The following BACH1 variants were observed in gnomAD, a reference collection of about 807,000 sequenced individuals.
BACH1 encodes BTB domain and CNC homolog 1.
BACH1 carries 35 observed loss-of-function variants against 52.9 expected under a neutral mutation model. The observed-to-expected ratio is 0.66, with a 90% CI of 0.51 to 0.88. The LOEUF is 0.88. BACH1 is among the 40% of genes least tolerant of loss of function. The pLI is 0.00. For synonymous variants in BACH1, 321 were observed against 319.6 expected (o/e 1.00, Z -0.05); for missense variants, 808 against 872.6 (o/e 0.93, Z 0.93).
At chr21:29,355,820 G>A (rs940548004) in intron 2 of BACH1, among the ~76,000 whole-genome samples, 2 of 152,218 alleles carry the variant, frequency 1.3e-5, no homozygotes, top group Admixed American at 6.5e-5. Flanking sequence ...AACTCCAGAG[G>A]TTGGTATAAG....
rs2832284 is a variant in BACH1 at position 29,325,402 on chromosome 21, A to G, written c.235-657A>G. 5.2e-3 allele frequency among the ~76,000 whole-genome samples: 796 copies of G among 152,266 alleles called. 9 individuals carry two copies. The East Asian group carries it at 0.057, about 11-fold the overall frequency. ...GTTTAATGTAAATGTGCAAGTTTCT[A>G]CTTAAAAGTTTTGTTACTTCGAGTC... On this transcript the variant is annotated intron_variant, in intron 2 of 4. Transcript: ENST00000286800.
chr21:29,319,803 G>C (rs1222365320), intron 1 of BACH1, among the ~76,000 whole-genome samples: 1 of 150,888 alleles, frequency 6.6e-6, no homozygotes, highest in Non-Finnish European at 1.5e-5. Context: ...GCTCTGGGCA[G>C]GGTATAGTCT....
chr21:29,338,130 T>C (rs953224338), intron 4 of BACH1, among the ~76,000 whole-genome samples: 1 of 152,184 alleles, frequency 6.6e-6, no homozygotes, highest in African/African-American at 2.4e-5. Flanking sequence ...TGGTGTGCGT[T>C]GTTTCTCTTA....
At chr21:29,355,536 T>C (rs751458795) in intron 2 of BACH1, among the ~76,000 whole-genome samples, 4 of 152,190 alleles carry the variant, frequency 2.6e-5, no homozygotes, top group Non-Finnish European at 5.9e-5. Flanking sequence ...TACTTCCTGC[T>C]GGATAGAGGC....
chr21:29,315,685 G>T (rs953904566), intron 1 of BACH1, among the ~76,000 whole-genome samples: 1 of 152,146 alleles, frequency 6.6e-6, no homozygotes, highest in African/African-American at 2.4e-5. Flanking sequence ...CTCATTAATT[G>T]AATATTATGG....
chr21:29,359,674 A>G (rs1035755100), intron 2 of BACH1, among the ~76,000 whole-genome samples: 14 of 152,056 alleles, frequency 9.2e-5, no homozygotes, highest in African/African-American at 3.4e-4. Context: ...CCTGCCTCCC[A>G]TTTTATTCCT....
chr21:29,334,377 C>T (rs1267037248), intron 4 of BACH1, among the ~76,000 whole-genome samples: 2 of 152,186 alleles, frequency 1.3e-5, no homozygotes, highest in African/African-American at 4.8e-5. Flanking sequence ...GGATTATAGG[C>T]GTGAGCCACT....
At chr21:29,314,147 TA>T (rs1340960483) in intron 1 of BACH1, among the ~76,000 whole-genome samples, 2 of 152,178 alleles carry the variant, frequency 1.3e-5, no homozygotes, top group Admixed American at 1.3e-4. Flanking sequence ...GTTAAGCAAA[TA>T]AAAGACTTCA....
chr21:29,361,042 C>T (rs1459306054), intron 2 of BACH1: 1 of 152,146 alleles, frequency 6.6e-6, no homozygotes, highest in South Asian at 2.1e-4. Flanking sequence ...ATGTAATCAT[C>T]GCAAGGCCAG....
intron 4 of BACH1, among the ~76,000 whole-genome samples, chr21:29,334,818 G>A (rs2089025593): frequency 6.6e-6 from 1 of 152,142 alleles, no homozygotes; most frequent in African/African-American, 2.4e-5. Flanking sequence ...ATTTTGTGGT[G>A]AAGATTATAT....
chr21:29,351,923 T>C (rs2089204592), intron 2 of BACH1: 1 of 361,226 alleles, frequency 2.8e-6, no homozygotes, highest in Non-Finnish European at 5.5e-6. Context: ...GTATGAAGTA[T>C]GCACTTAAGG....
downstream of BACH1, among the ~76,000 whole-genome samples, chr21:29,347,090 A>G (rs80227458): frequency 1.3e-5 from 2 of 152,254 alleles, no homozygotes; most frequent in African/African-American, 4.8e-5. Flanking sequence ...GTAGGTATTG[A>G]GGGTTTAGAG....
At chr21:29,347,189 C>CGTT (rs1383123602), downstream of BACH1, among the ~76,000 whole-genome samples, 6 of 152,182 alleles carry the variant, frequency 3.9e-5, no homozygotes, top group African/African-American at 1.2e-4. Flanking sequence ...GCTGATGGAA[C>CGTT]CCAGCTTGGA....
At position 29,358,812 on chromosome 21, in the gene BACH1, A is replaced by AAGAAAGAAAGAAAGAAAGAAAG. The variant is rs370582692; in HGVS notation, c.472+29123_472+29124insAGAAAGAAAGAAAGAAAGAGAA. ...AAAGAAAGAAAGAAAGAAAGAAAGA[A>AAGAAAGAAAGAAAGAAAGAAAG]AGAAGAAAGAAAGAAATGTAAAAAG... On this transcript the variant is annotated intron_variant, in intron 2 of 4. Coordinates refer to the BACH1 transcript ENST00000422809. Among the ~76,000 whole-genome samples the AAGAAAGAAAGAAAGAAAGAAAG allele has an allele frequency of 6.5e-3, 953 of 146,338 alleles. 18 individuals carry two copies. The highest frequency in any genetic ancestry group is 8.4e-3 in the South Asian group (38 of 4,514).
At chr21:29,312,233 CT>C (rs2088733231) in intron 1 of BACH1, among the ~76,000 whole-genome samples, 1 of 152,166 alleles carries the variant, frequency 6.6e-6, no homozygotes, top group African/African-American at 2.4e-5. Flanking sequence ...TCATTCTTTG[CT>C]TTTTTCCCCT....
rs200802905 is a variant in BACH1, at chr21:29,327,203, A to G, written c.1379A>G (p.Asn460Ser). Residue 460 changes from asparagine to serine, a missense_variant, in exon 3 of 5, where the codon AAC becomes AGC. Asn to Ser is a conservative substitution (Grantham distance 46). Transcript: ENST00000286800. Reference protein sequence around the residue: ...QRTFTTLSSVNCPFISTLSTE... With the variant: ...QRTFTTLSSVSCPFISTLSTE... ...ACTTTCACAACATTAAGTTCTGTCA[A>G]CTGCCCTTTTATAAGTACTCTGAGT... 9 of 1,614,228 alleles carry G rather than the reference A, an allele frequency of 5.6e-6. No individual in the cohort carries two copies. Among genetic ancestry groups the G allele is most frequent in the Middle Eastern group, 1.6e-4 (1 of 6,062 alleles).
At chr21:29,351,383 T>A in intron 2 of BACH1, among the ~76,000 whole-genome samples, 1 of 152,230 alleles carries the variant, frequency 6.6e-6, no homozygotes, top group Non-Finnish European at 1.5e-5. Flanking sequence ...AGTAGTTCTG[T>A]TTTGAGCTAT....
chr21:29,352,716 TG>T (rs1320857498), intron 2 of BACH1: 1 of 151,728 alleles, frequency 6.6e-6, no homozygotes, highest in African/African-American at 2.4e-5. Context: ...TTGTTGTTTT[TG>T]TTTTTTTTTT....
chr21:29,361,687 A>G (rs574058651), intron 2 of BACH1: 57 of 152,344 alleles, frequency 3.7e-4, no homozygotes, highest in African/African-American at 1.3e-3. Flanking sequence ...TCATTAAGTG[A>G]ACAAACCAGC....
Sources: gnomAD v4.1 joint callset for allele counts (sites outside exome capture counted in the v4.1 genomes callset) on GRCh38, gnomAD v4.1.1 for gene constraint, MANE v1.5 for transcripts, NCBI Gene and HGNC (gene_info 2026-07-23, HGNC 2026-07-21) for gene names.